DLG2: variants seen among roughly 807,000 people sequenced by gnomAD.
DLG2 encodes the protein disks large homolog 2.
In DLG2, 45 loss-of-function variants were observed where a neutral mutation model predicts 132.5. That is an observed-to-expected ratio of 0.34 (90% CI 0.27 to 0.44). The LOEUF is 0.44. Among genes scored for constraint, DLG2 ranks in the 20% least tolerant of loss-of-function variants. DLG2 has a pLI of 1.00. For synonymous variants in DLG2, 424 were observed against 419.6 expected (o/e 1.01, Z -0.13); for missense variants, 1,045 against 1,196.9 (o/e 0.87, Z 1.87).
chr11:83,610,259 G>A (rs583944), intron 19 of DLG2, among the ~76,000 whole-genome samples: 72,938 of 151,880 alleles, frequency 0.48, 18,130 homozygotes, highest in African/African-American at 0.58. Flanking sequence ...TGTGGTTTAC[G>A]TGAAAAACAT....
At chr11:83,693,449 G>A (rs753300733) in intron 18 of DLG2, among the ~76,000 whole-genome samples, 2 of 152,080 alleles carry the variant, frequency 1.3e-5, no homozygotes, top group Non-Finnish European at 2.9e-5. Context: ...CAATCAAACC[G>A]TGCATAGCAG....
At chr11:83,749,354 A>C (rs140129066) in intron 18 of DLG2, among the ~76,000 whole-genome samples, 1 of 152,314 alleles carries the variant, frequency 6.6e-6, no homozygotes, top group African/African-American at 2.4e-5. Flanking sequence ...CCTTGTCAGG[A>C]TACAGGGGTC....
In DLG2 at chr11:85,239,967, G is replaced by C. The variant is rs571653737; in HGVS notation, c.186+45253C>G. Reference sequence around the variant, plus strand: ...GATATGCAAATGTTCAATTTTACAAGACCATGCCAAACTAACTTGTTAACT... The same window carrying C: ...GATATGCAAATGTTCAATTTTACAACACCATGCCAAACTAACTTGTTAACT... On this transcript the variant is annotated intron_variant, in intron 4 of 27. Coordinates refer to ENST00000376104, the MANE Select transcript of DLG2 (RefSeq NM_001142699.3). 1.0e-3 allele frequency among the ~76,000 whole-genome samples: 156 copies of C among 151,950 alleles called. 1 individual carries two copies. The highest frequency in any genetic ancestry group is 1.1e-3 in the Admixed American group (16 of 15,230).
At position 84,192,716 on chromosome 11, in the gene DLG2, C is replaced by T. The variant is rs994144832; in HGVS notation, c.574-29205G>A. 1.5e-4 allele frequency among the ~76,000 whole-genome samples: 22 copies of T among 151,614 alleles called. No individual in the cohort carries two copies. In the Middle Eastern group the frequency reaches 0.01, roughly 70 times the overall value. ...CTGCACTCCAGCCTGGGCGACAGGG[C>T]GAGACTCCATCTCAAAAAATAAAAA... On this transcript the variant is annotated intron_variant, in intron 8 of 27. Transcript: ENST00000376104.
At chr11:84,491,719 A>G (rs1194110329) in intron 7 of DLG2, among the ~76,000 whole-genome samples, 1 of 152,172 alleles carries the variant, frequency 6.6e-6, no homozygotes, top group African/African-American at 2.4e-5. Context: ...CAAAGTTCTA[A>G]ACACATTTCC....
intron 9 of DLG2, among the ~76,000 whole-genome samples, chr11:84,156,889 A>G (rs184210783): frequency 1.3e-5 from 2 of 152,362 alleles, no homozygotes; most frequent in African/African-American, 4.8e-5. Flanking sequence ...CAAAATAACT[A>G]GAAAATCATT....
chr11:84,337,846 C>T (rs1567331994), intron 7 of DLG2, among the ~76,000 whole-genome samples: 1 of 152,114 alleles, frequency 6.6e-6, no homozygotes, highest in Non-Finnish European at 1.5e-5. Context: ...CAACATACCA[C>T]TATTAAGGAA....
chr11:83,596,205 G>A (rs2057549662), intron 19 of DLG2, among the ~76,000 whole-genome samples: 1 of 152,186 alleles, frequency 6.6e-6, no homozygotes, highest in South Asian at 2.1e-4. Context: ...ATGATCTGAT[G>A]TAAGGGGAGG....
chr11:84,700,644 T>C (rs2059124399), intron 6 of DLG2, among the ~76,000 whole-genome samples: 4 of 151,688 alleles, frequency 2.6e-5, no homozygotes, highest in Admixed American at 2.6e-4. Context: ...TAGCCCTACA[T>C]TCCAGAGGAG....
intron 7 of DLG2, among the ~76,000 whole-genome samples, chr11:84,342,421 C>T (rs969562095): frequency 2.0e-5 from 3 of 152,180 alleles, no homozygotes; most frequent in Non-Finnish European, 4.4e-5. Context: ...TATTTCCCCT[C>T]TTTTGACAGA....
Position 84,534,653 on chromosome 11 carries a change from G to A in DLG2, c.436C>T (p.Leu146Phe). ...RLTHEVRGPE[L>F]VHVSEKNLSQ... ...AGGTTCTTTTCTGATACATGCACGA[G>A]TTCTGGGCCTCTTACTTCGTGGGTT... Residue 146 changes from leucine to phenylalanine, a missense_variant, in exon 7 of 28, where the codon CTC becomes TTC. This residue lies in a region of DLG2 where 277 missense variants were observed against 238.2 expected (regional missense o/e 1.16). Coordinates refer to ENST00000376104, the MANE Select transcript of DLG2 (RefSeq NM_001142699.3). 1 of 1,614,030 alleles carries A rather than the reference G, an allele frequency of 6.2e-7. No homozygotes were observed. The highest frequency in any genetic ancestry group is 8.5e-7 in the Non-Finnish European group (1 of 1,179,924).
chr11:85,123,635 A>G (rs1408530423), intron 5 of DLG2, among the ~76,000 whole-genome samples: 1 of 152,178 alleles, frequency 6.6e-6, no homozygotes, highest in Non-Finnish European at 1.5e-5. Flanking sequence ...ATTTTCCGGG[A>G]ACTTTCGGCT....
In DLG2 at chr11:84,358,426, A is replaced by T. The variant is rs942668706; in HGVS notation, c.520-107135T>A. ...GCAAACCTACTTTCATTGGTATATG[A>T]AACCGATTTCCATGCCTTCATTTTC... On this transcript the variant is annotated intron_variant, in intron 7 of 27. Coordinates refer to ENST00000376104, the MANE Select transcript of DLG2 (RefSeq NM_001142699.3). Among the ~76,000 whole-genome samples, 7 of 150,676 alleles carry T rather than the reference A, an allele frequency of 4.6e-5. No homozygotes were observed. The Admixed American group carries it at 4.6e-4, about 10-fold the overall frequency.
chr11:84,150,374 CATT>C (rs1416734061), intron 9 of DLG2, among the ~76,000 whole-genome samples: 1 of 152,068 alleles, frequency 6.6e-6, no homozygotes, highest in Non-Finnish European at 1.5e-5. Context: ...TCAGCTTGAA[CATT>C]ATTGTTGTAT....
intron 6 of DLG2, among the ~76,000 whole-genome samples, chr11:84,929,012 A>C (rs1239644816): frequency 9.9e-5 from 13 of 131,556 alleles, no homozygotes; most frequent in Admixed American, 2.3e-4. Context: ...ATATATATAT[A>C]TATATATATA....
intron 8 of DLG2, among the ~76,000 whole-genome samples, chr11:84,225,518 T>C (rs2096978604): frequency 1.3e-5 from 2 of 152,238 alleles, no homozygotes; most frequent in African/African-American, 2.4e-5. Context: ...TATTCTAGTA[T>C]TGATTATTCC....
chr11:84,575,233 C>T (rs923707104), intron 6 of DLG2, among the ~76,000 whole-genome samples: 1 of 152,126 alleles, frequency 6.6e-6, no homozygotes, highest in Non-Finnish European at 1.5e-5. Flanking sequence ...TCTCTGAGAT[C>T]TTACCTCTCC....
intron 14 of DLG2, among the ~76,000 whole-genome samples, chr11:83,945,467 C>T (rs937803786): frequency 4.6e-5 from 7 of 152,102 alleles, no homozygotes; most frequent in African/African-American, 1.2e-4. Context: ...TCCAGGTTTT[C>T]GTTCCTCAAA....
chr11:83,907,459 T>G (rs992908999), intron 15 of DLG2, among the ~76,000 whole-genome samples: 1 of 152,172 alleles, frequency 6.6e-6, no homozygotes, highest in African/African-American at 2.4e-5. Flanking sequence ...ATAGCATCCC[T>G]GGAGTGAACG....
Sources: allele counts gnomAD v4.1 joint callset (sites outside exome capture counted in the v4.1 genomes callset), GRCh38; gene constraint gnomAD v4.1.1; regional missense constraint gnomAD v4.1.1; transcripts MANE v1.5; gene names NCBI Gene and HGNC (gene_info 2026-07-23, HGNC 2026-07-21).